The following SYNPR variants were observed in gnomAD, a reference collection of about 807,000 sequenced individuals.
SYNPR encodes the protein synaptoporin.
SYNPR carries 23 observed loss-of-function variants against 32.9 expected under a neutral mutation model. That is an observed-to-expected ratio of 0.70 (90% CI 0.50 to 0.99). The LOEUF is 0.99. Ranked by LOEUF, SYNPR falls within the 50% of genes least tolerant of loss-of-function variation. SYNPR has a pLI of 0.00. For synonymous variants in SYNPR, 146 were observed against 135.9 expected (o/e 1.07, Z -0.52); for missense variants, 318 against 349.3 (o/e 0.91, Z 0.71).
chr3:63,326,163 T>C (rs2087165487), intron 2 of SYNPR, among the ~76,000 whole-genome samples: 1 of 151,964 alleles, frequency 6.6e-6, no homozygotes, highest in Non-Finnish European at 1.5e-5. Flanking sequence ...ACAGCACCTC[T>C]TGGTAGCAGG....
intron 2 of SYNPR, among the ~76,000 whole-genome samples, chr3:63,413,007 G>A (rs1268179656): frequency 1.3e-5 from 2 of 151,940 alleles, no homozygotes; most frequent in Admixed American, 1.3e-4. Flanking sequence ...GTGCCTTCAG[G>A]GTTCCAAGTG....
At chr3:63,466,987 T>C (rs1700694946) in intron 2 of SYNPR, among the ~76,000 whole-genome samples, 1 of 152,124 alleles carries the variant, frequency 6.6e-6, no homozygotes, top group African/African-American at 2.4e-5. Context: ...ATTAGCTGAA[T>C]ACTTTTATTT....
At chr3:63,425,630 A>T (rs547951052) in intron 2 of SYNPR, among the ~76,000 whole-genome samples, 2 of 152,268 alleles carry the variant, frequency 1.3e-5, no homozygotes, top group African/African-American at 4.8e-5. Context: ...GCCTAGGTTC[A>T]AATTCAGGCT....
At chr3:63,339,909 G>A (rs934687958) in intron 2 of SYNPR, among the ~76,000 whole-genome samples, 1 of 151,978 alleles carries the variant, frequency 6.6e-6, no homozygotes, top group Non-Finnish European at 1.5e-5. Flanking sequence ...TGCCCGCCTC[G>A]GCCTCCCAAA....
intron 2 of SYNPR, among the ~76,000 whole-genome samples, chr3:63,456,110 T>C (rs911828697): frequency 6.6e-6 from 1 of 152,034 alleles, no homozygotes; most frequent in African/African-American, 2.4e-5. Flanking sequence ...CCATCAGATA[T>C]CATGAGATTT....
chr3:63,499,728 T>C (rs1436509031), intron 3 of SYNPR, among the ~76,000 whole-genome samples: 1 of 152,258 alleles, frequency 6.6e-6, no homozygotes, highest in East Asian at 1.9e-4. Flanking sequence ...GCTCCGTTCA[T>C]ATGTATCCTT....
At chr3:63,454,859 A>G (rs1196516909) in intron 2 of SYNPR, among the ~76,000 whole-genome samples, 1 of 152,108 alleles carries the variant, frequency 6.6e-6, no homozygotes, top group African/African-American at 2.4e-5. Flanking sequence ...GAAGGTGTTG[A>G]GGATAAAAAC....
chr3:63,528,163 C>G (rs1702049996), intron 3 of SYNPR, among the ~76,000 whole-genome samples: 1 of 152,186 alleles, frequency 6.6e-6, no homozygotes, highest in Non-Finnish European at 1.5e-5. Context: ...AAGTGTGTCT[C>G]CCTCTTGATC....
chr3:63,259,547 T>G (rs912778334), intron 2 of SYNPR, among the ~76,000 whole-genome samples: 2 of 152,126 alleles, frequency 1.3e-5, no homozygotes, highest in East Asian at 3.9e-4. Flanking sequence ...AAACTCTCAA[T>G]AAATTAGGTA....
At chr3:63,329,945 G>A (rs949568493) in intron 2 of SYNPR, 1 of 152,102 alleles carries the variant, frequency 6.6e-6, no homozygotes, top group East Asian at 1.9e-4. Flanking sequence ...ACAGTGTTCT[G>A]ATATCAGGTT....
intron 2 of SYNPR, among the ~76,000 whole-genome samples, chr3:63,425,370 G>C (rs949154401): frequency 6.6e-6 from 1 of 152,162 alleles, no homozygotes; most frequent in African/African-American, 2.4e-5. Context: ...TAAAGAGACT[G>C]AAAAGAGATA....
intron 1 of SYNPR, among the ~76,000 whole-genome samples, chr3:63,229,160 C>A (rs921525561): frequency 1.4e-4 from 21 of 152,256 alleles, no homozygotes; most frequent in African/African-American, 4.8e-4. Flanking sequence ...AAAAACTTGA[C>A]TTCCCTAACC....
At chr3:63,584,028 G>C (rs1391813817) in intron 4 of SYNPR, among the ~76,000 whole-genome samples, 1 of 152,080 alleles carries the variant, frequency 6.6e-6, no homozygotes, top group Non-Finnish European at 1.5e-5. Context: ...AAAAATACTG[G>C]CCTTTTGGAG....
chr3:63,363,390 C>T (rs2087687680), intron 2 of SYNPR, among the ~76,000 whole-genome samples: 1 of 152,170 alleles, frequency 6.6e-6, no homozygotes, highest in Admixed American at 6.5e-5. Context: ...ACATATATTT[C>T]TTCCTTTTAA....
intron 3 of SYNPR, among the ~76,000 whole-genome samples, chr3:63,519,720 C>T (rs1701870056): frequency 6.6e-6 from 1 of 152,202 alleles, no homozygotes; most frequent in South Asian, 2.1e-4. Context: ...TTCCCCAAAC[C>T]TGATGCTAAG....
At chr3:63,566,267 A>G (rs1702787294) in intron 4 of SYNPR, among the ~76,000 whole-genome samples, 1 of 152,190 alleles carries the variant, frequency 6.6e-6, no homozygotes, top group Admixed American at 6.5e-5. Flanking sequence ...ATCTGGGAAA[A>G]ATGGGAGTAA....
At chr3:63,439,143 A>T (rs1034937481) in intron 2 of SYNPR, among the ~76,000 whole-genome samples, 3 of 152,208 alleles carry the variant, frequency 2.0e-5, no homozygotes, top group African/African-American at 7.2e-5. Flanking sequence ...AGGAAAAAAA[A>T]ATTCTTTTGA....
intron 2 of SYNPR, among the ~76,000 whole-genome samples, chr3:63,260,292 G>A (rs959767071): frequency 2.0e-5 from 3 of 152,136 alleles, no homozygotes; most frequent in Non-Finnish European, 4.4e-5. Context: ...AACAAAGCTG[G>A]AGGCATCACG....
At chr3:63,529,002 T>G (rs186708724) in intron 3 of SYNPR, among the ~76,000 whole-genome samples, 2 of 152,242 alleles carry the variant, frequency 1.3e-5, no homozygotes, top group Admixed American at 6.5e-5. Context: ...CTCATGAATC[T>G]CCTGTTTACA....
Sources: allele counts gnomAD v4.1 joint callset (sites outside exome capture counted in the v4.1 genomes callset), GRCh38; gene constraint gnomAD v4.1.1; transcripts MANE v1.5; gene names NCBI Gene and HGNC (gene_info 2026-07-23, HGNC 2026-07-21).